The following NFU1 variants were observed in gnomAD, a reference collection of about 807,000 sequenced individuals.
NFU1 encodes the protein NFU1 iron-sulfur cluster scaffold homolog, mitochondrial.
A neutral mutation model predicts 32.2 loss-of-function variants in NFU1; 30 were observed. The observed-to-expected ratio is 0.93, with a 90% CI of 0.70 to 1.26. NFU1 has a LOEUF of 1.26. Among genes scored for constraint, NFU1 ranks in the 50% most tolerant of loss-of-function variants. The probability of loss-of-function intolerance (pLI) is 0.00; values close to 1 mark genes in which losing one functional copy is unlikely to be tolerated. For missense variants in NFU1, 306 were observed against 306.6 expected, an observed-to-expected ratio of 1.00 and a Z score of 0.02; for synonymous variants, 112 against 104.6, an observed-to-expected ratio of 1.07 and a Z score of -0.43.
chr2:69,403,214 TTTTG>T (rs1672583736), intron 6 of NFU1, among the ~76,000 whole-genome samples: 1 of 152,084 alleles, frequency 6.6e-6, no homozygotes, highest in African/African-American at 2.4e-5. Flanking sequence ...CTATAGTTGA[TTTTG>T]TTTTTTTGTT....
At chr2:69,406,913 TAGTG>T (rs1286744615) in intron 5 of NFU1, among the ~76,000 whole-genome samples, 2 of 152,176 alleles carry the variant, frequency 1.3e-5, no homozygotes, top group African/African-American at 2.4e-5. Flanking sequence ...GTTCTCGTGA[TAGTG>T]AGTGAGTTCT....
intron 3 of NFU1, among the ~76,000 whole-genome samples, 188 bp from the exon 4 acceptor site, chr2:69,419,792 C>T (rs769356426): frequency 6.6e-6 from 1 of 152,114 alleles, no homozygotes. Context: ...TAGTTATTTA[C>T]CCAAAAGAAA....
intron 5 of NFU1, among the ~76,000 whole-genome samples, chr2:69,413,823 C>G (rs1207847492): frequency 1.3e-5 from 2 of 149,918 alleles, no homozygotes; most frequent in Non-Finnish European, 3.0e-5. Context: ...CCGAGGCAGG[C>G]GAATCATGAG....
intron 6 of NFU1, among the ~76,000 whole-genome samples, chr2:69,402,934 C>T (rs1574112037): frequency 6.6e-6 from 1 of 151,440 alleles, no homozygotes; most frequent in African/African-American, 2.4e-5. Flanking sequence ...ATTGCCTACC[C>T]GAAGGTCATA....
Position 69,434,122 on chromosome 2 carries a change from T to C in NFU1, c.63-2117A>G, listed in dbSNP as rs1361475578. Among the ~76,000 whole-genome samples the C allele has an allele frequency of 4.7e-5, 7 of 150,368 alleles. No homozygotes were observed. In the East Asian group the frequency reaches 1.4e-3, roughly 30 times the overall value. ...TGGATGGAAACATATTAACCCAGTG[T>C]TGTAACTTCACTTCACTTTTTTTTT... On this transcript the variant is annotated intron_variant, in intron 1 of 7. Coordinates refer to ENST00000410022, the MANE Select transcript of NFU1 (RefSeq NM_001002755.4).
At chr2:69,439,136 G>A (rs1467478684), upstream of NFU1, among the ~76,000 whole-genome samples, 1 of 151,980 alleles carries the variant, frequency 6.6e-6, no homozygotes, top group African/African-American at 2.4e-5. Context: ...AAAATGGTCT[G>A]CACTCTTAGT....
At chr2:69,421,166 C>T (rs1673226123) in intron 3 of NFU1, among the ~76,000 whole-genome samples, 1 of 151,918 alleles carries the variant, frequency 6.6e-6, no homozygotes, top group Admixed American at 6.6e-5. Context: ...ATCACGCCAT[C>T]ACACTCCAGA....
chr2:69,435,618 TA>T (rs1312739244), intron 1 of NFU1, among the ~76,000 whole-genome samples: 1 of 152,192 alleles, frequency 6.6e-6, no homozygotes, highest in Admixed American at 6.5e-5. Context: ...ATTGGAGAGA[TA>T]AAAGGATTGG....
intron 2 of NFU1, among the ~76,000 whole-genome samples, chr2:69,427,679 CAAAAAAA>C (rs35639734): frequency 1.6e-5 from 1 of 61,694 alleles, no homozygotes; most frequent in African/African-American, 6.1e-5. Flanking sequence ...CACTCAGTCT[CAAAAAAA>C]AAAAAAAAAA....
chr2:69,434,998 G>C (rs965904120), intron 1 of NFU1, among the ~76,000 whole-genome samples: 2 of 152,182 alleles, frequency 1.3e-5, no homozygotes, highest in Non-Finnish European at 2.9e-5. Flanking sequence ...ACCTGAAAAG[G>C]CTAATCTTAG....
At position 69,437,425 on chromosome 2, in the gene NFU1, T is replaced by G; in HGVS notation, c.-3A>C. The G allele has an allele frequency of 6.2e-7, 1 of 1,610,630 alleles. No homozygotes were observed. The highest frequency in any genetic ancestry group is 1.3e-5 in the African/African-American group (1 of 75,042). Reference sequence around the variant, plus strand: ...CCCCGCCTGGCCGTCGCCGCCATCTTAGTCCGGAGTGCCTAAGGGTCTCCC... The same window carrying G: ...CCCCGCCTGGCCGTCGCCGCCATCTGAGTCCGGAGTGCCTAAGGGTCTCCC... On this transcript the variant is annotated 5_prime_UTR_variant, in exon 1 of 8. Coordinates refer to ENST00000410022, the MANE Select transcript of NFU1 (RefSeq NM_001002755.4).
chr2:69,437,503 G>A (rs758053539), upstream of NFU1: 14 of 1,536,290 alleles, frequency 9.1e-6, no homozygotes, highest in Admixed American at 7.6e-5. Context: ...TAGCTGGGCG[G>A]GCACTGGGAA....
chr2:69,406,144 T>A lies in NFU1; in HGVS notation c.485-62A>T, dbSNP rs1672689244. 9.6e-6 allele frequency: 9 copies of A among 941,924 alleles called. No homozygotes were observed. The South Asian group carries it at 1.2e-4, about 12-fold the overall frequency. The allele number at this position is 941,924 out of a possible 1,614,324, so 58.3% of individuals were successfully genotyped here. ...AATTTTATAGCCATGCAAGTACGAG[T>A]ATTAAAACAGAATGATTTTAACTAC... On this transcript the variant is annotated intron_variant, in intron 5 of 7. Coordinates refer to ENST00000410022, the MANE Select transcript of NFU1 (RefSeq NM_001002755.4).
chr2:69,424,977 T>G (rs1213771258), intron 2 of NFU1, among the ~76,000 whole-genome samples: 1 of 150,394 alleles, frequency 6.6e-6, no homozygotes, highest in Admixed American at 6.7e-5. Flanking sequence ...CCCAGGTTCA[T>G]GCCATTCTCC....
At chr2:69,411,781 A>G (rs928529792) in intron 5 of NFU1, among the ~76,000 whole-genome samples, 1 of 151,378 alleles carries the variant, frequency 6.6e-6, no homozygotes, top group Non-Finnish European at 1.5e-5. Context: ...TTTCGTAAAC[A>G]CAGGGTTTTG....
intron 2 of NFU1, among the ~76,000 whole-genome samples, chr2:69,424,240 T>C (rs1462721453): frequency 1.4e-5 from 2 of 143,972 alleles, no homozygotes; most frequent in Non-Finnish European, 3.0e-5. Context: ...TTTAAGTGCA[T>C]ATAGTTTTCT....
chr2:69,437,134 A>C, intron 1 of NFU1: 1 of 920,292 alleles, frequency 1.1e-6, no homozygotes, highest in Non-Finnish European at 1.6e-6. Context: ...TGGGTCTCTG[A>C]GCCTGAGAGG....
chr2:69,401,224 C>A (rs1000758507), intron 6 of NFU1, among the ~76,000 whole-genome samples: 1 of 152,174 alleles, frequency 6.6e-6, no homozygotes, highest in African/African-American at 2.4e-5. Context: ...AACACCAAAC[C>A]TCCAGAAGTC....
intron 1 of NFU1, among the ~76,000 whole-genome samples, chr2:69,434,320 T>G (rs957351136): frequency 6.6e-6 from 1 of 151,822 alleles, no homozygotes; most frequent in Non-Finnish European, 1.5e-5. Context: ...ATTTTTGTAT[T>G]TTTAGTAGAG....
Sources: gnomAD v4.1 joint callset for allele counts (sites outside exome capture counted in the v4.1 genomes callset) on GRCh38, gnomAD v4.1.1 for gene constraint, MANE v1.5 for transcripts, NCBI Gene and HGNC (gene_info 2026-07-23, HGNC 2026-07-21) for gene names.